STX7: variants seen among roughly 807,000 people sequenced by gnomAD.
The protein encoded by STX7 is syntaxin 7.
Under a neutral mutation model 39.6 loss-of-function variants are expected in STX7, and 34 were observed. That is an observed-to-expected ratio of 0.86 (90% confidence interval 0.65 to 1.14). The LOEUF (loss-of-function observed/expected upper bound fraction) is 1.14. STX7 is among the 50% of genes most tolerant of loss of function. STX7 has a pLI of 0.00. For synonymous variants in STX7, 119 were observed against 99.1 expected, an observed-to-expected ratio of 1.20 and a Z score of -1.19; for missense variants, 284 against 310.4, an observed-to-expected ratio of 0.92 and a Z score of 0.64.
At chr6:132,511,947 A>C (rs1775855584) in intron 1 of STX7, among the ~76,000 whole-genome samples, 1 of 152,214 alleles carries the variant, frequency 6.6e-6, no homozygotes, top group Non-Finnish European at 1.5e-5. Flanking sequence ...TAATCAGTTA[A>C]TATGGTATCA....
chr6:132,466,885 C>A (rs538245977), intron 8 of STX7, among the ~76,000 whole-genome samples: 6 of 152,140 alleles, frequency 3.9e-5, no homozygotes, highest in Non-Finnish European at 7.4e-5. Flanking sequence ...TTAGCATCAC[C>A]CTTAAATTAA....
At chr6:132,487,245 G>C (rs1775158664) in intron 2 of STX7, among the ~76,000 whole-genome samples, 1 of 152,116 alleles carries the variant, frequency 6.6e-6, no homozygotes, top group Non-Finnish European at 1.5e-5. Context: ...TTTCATCTAA[G>C]ATGTCAACTT....
rs911444384 is a variant in STX7 at position 132,446,436 on chromosome 6, T to C, written c.*14322A>G. 5.9e-5 allele frequency: 9 copies of C among 152,212 alleles called. No homozygotes were observed. The highest frequency in any genetic ancestry group is 4.6e-4 in the Admixed American group (7 of 15,280). 9.4% of individuals were successfully genotyped at this position (152,212 alleles called of 1,614,324 possible). ...CTTTTTCTGGAACCACAATTTCTGA[T>C]TGGGAAAACAAAAGTCTTCCTAGAT... On this transcript the variant is annotated 3_prime_UTR_variant, in exon 10 of 10. Coordinates refer to ENST00000367941, the MANE Select transcript of STX7 (RefSeq NM_003569.3).
Position 132,450,915 on chromosome 6 carries a change from T to C in STX7, c.*9843A>G, listed in dbSNP as rs1345365402. On this transcript the variant is annotated 3_prime_UTR_variant, in exon 10 of 10. Coordinates refer to ENST00000367941, the MANE Select transcript of STX7 (RefSeq NM_003569.3). ...AAAATTGGCAAAAGACATAAACATATAGATGGTGAGAAGACCTCAAATATA... is the reference window on the plus strand; with the variant it reads ...AAAATTGGCAAAAGACATAAACATACAGATGGTGAGAAGACCTCAAATATA... The C allele has an allele frequency of 2.0e-5, 3 of 150,462 alleles. No individual in the cohort carries two copies. The highest frequency in any genetic ancestry group is 3.0e-5 in the Non-Finnish European group (2 of 67,540). 9.3% of individuals were successfully genotyped at this position (150,462 alleles called of 1,614,324 possible). A position where few individuals can be genotyped will look rare whatever the true frequency, so the allele number is the denominator to read the frequency against.
At chr6:132,496,665 G>A (rs905861594) in intron 2 of STX7, among the ~76,000 whole-genome samples, 1 of 152,154 alleles carries the variant, frequency 6.6e-6, no homozygotes. Context: ...ATTATTGCCT[G>A]TTAAAGTTTG....
chr6:132,473,344 C>T (rs539679895), intron 3 of STX7, among the ~76,000 whole-genome samples: 2 of 152,190 alleles, frequency 1.3e-5, no homozygotes, highest in Non-Finnish European at 2.9e-5. Flanking sequence ...TACCAAAATC[C>T]GCTGATGCTC....
chr6:132,493,131 A>G (rs1338449132), intron 2 of STX7, among the ~76,000 whole-genome samples: 1 of 152,214 alleles, frequency 6.6e-6, no homozygotes, highest in African/African-American at 2.4e-5. Context: ...GGCCATACTC[A>G]ATATCATTAA....
intron 1 of STX7, among the ~76,000 whole-genome samples, chr6:132,511,367 C>T (rs1163405504): frequency 6.6e-6 from 1 of 152,150 alleles, no homozygotes; most frequent in East Asian, 1.9e-4. Flanking sequence ...CCAGCAAGGC[C>T]TCATCACATG....
intron 2 of STX7, among the ~76,000 whole-genome samples, chr6:132,494,351 G>A (rs1315707340): frequency 2.0e-5 from 3 of 151,958 alleles, no homozygotes; most frequent in Non-Finnish European, 4.4e-5. Flanking sequence ...TTTATCTCTG[G>A]GGGCCAAGGT....
In STX7 at chr6:132,454,212, C is replaced by T. The variant is rs1217124949; in HGVS notation, c.*6546G>A. ...TATTATTATGATTCCAGTTATACAGCTTTATTGAAATGAAAAAAAAAAAAA... is the reference window on the plus strand; with the variant it reads ...TATTATTATGATTCCAGTTATACAGTTTTATTGAAATGAAAAAAAAAAAAA... On this transcript the variant is annotated 3_prime_UTR_variant, in exon 10 of 10. Coordinates refer to ENST00000367941, the MANE Select transcript of STX7 (RefSeq NM_003569.3). The T allele has an allele frequency of 7.1e-6, 1 of 141,570 alleles. No individual in the cohort carries two copies. Among genetic ancestry groups the T allele is most frequent in the Non-Finnish European group, 1.5e-5 (1 of 65,498 alleles). 8.8% of individuals were successfully genotyped at this position (141,570 alleles called of 1,614,324 possible).
Position 132,468,396 on chromosome 6 carries a change from G to T in STX7, c.610+7C>A, listed in dbSNP as rs775447540. 3 of 1,606,258 alleles carry T rather than the reference G, an allele frequency of 1.9e-6. No individual in the cohort carries two copies. The highest frequency in any genetic ancestry group is 2.6e-6 in the Non-Finnish European group (3 of 1,175,208). On this transcript the variant is annotated splice_region_variant and intron_variant, in intron 8 of 9. Coordinates refer to ENST00000367941, the MANE Select transcript of STX7 (RefSeq NM_003569.3). ...TCACCTCCAAAATCTAAGTCAGCAG[G>T]TCTTACCTATTACATCTCCTTGTTC...
rs73549927 is a variant in STX7, at chr6:132,451,828, T to A, written c.*8930A>T. 6 of 152,200 alleles carry A rather than the reference T, an allele frequency of 3.9e-5. No homozygotes were observed. The highest frequency in any genetic ancestry group is 1.4e-4 in the African/African-American group (6 of 41,458). The allele number at this position is 152,200 out of a possible 1,614,324, so 9.4% of individuals were successfully genotyped here. ...AAATCTCCAGGCCCAGATGATTTCA[T>A]TGGAAAGTTCTATCAAATGTTTTAA... is the stretch of plus-strand genomic sequence containing the variant. On this transcript the variant is annotated 3_prime_UTR_variant, in exon 10 of 10. Coordinates refer to ENST00000367941, the MANE Select transcript of STX7 (RefSeq NM_003569.3).
At position 132,457,967 on chromosome 6, in the gene STX7, C is replaced by T. The variant is rs1774286785; in HGVS notation, c.*2791G>A. 6.6e-6 allele frequency: 1 copy of T among 152,144 alleles called. No individual in the cohort carries two copies. The highest frequency in any genetic ancestry group is 6.6e-5 in the Admixed American group (1 of 15,266). 9.4% of individuals were successfully genotyped at this position (152,144 alleles called of 1,614,324 possible). ...TTTATTATGACATTCATTTTTTCTA[C>T]ATGAAGACACAAATAAAAATTATAC... On this transcript the variant is annotated 3_prime_UTR_variant, in exon 10 of 10. Transcript: ENST00000367941.
chr6:132,511,640 T>G (rs986141539), intron 1 of STX7, among the ~76,000 whole-genome samples: 1 of 152,234 alleles, frequency 6.6e-6, no homozygotes, highest in Non-Finnish European at 1.5e-5. Flanking sequence ...TCTACATAAG[T>G]ATCCTCTGCA....
At chr6:132,494,643 G>C (rs1177629736) in intron 2 of STX7, among the ~76,000 whole-genome samples, 3 of 152,172 alleles carry the variant, frequency 2.0e-5, no homozygotes, top group Non-Finnish European at 4.4e-5. Context: ...TAAGCAGAAA[G>C]AAGATCTACC....
chr6:132,482,530 G>A (rs769134590), intron 2 of STX7, among the ~76,000 whole-genome samples: 25 of 152,186 alleles, frequency 1.6e-4, no homozygotes, highest in Non-Finnish European at 2.9e-4. Context: ...GGGTTAGAAT[G>A]TAGATTTCTT....
At chr6:132,499,730 A>C (rs1359310688) in intron 2 of STX7, among the ~76,000 whole-genome samples, 1 of 152,016 alleles carries the variant, frequency 6.6e-6, no homozygotes, top group East Asian at 1.9e-4. Context: ...CCTCACTCTT[A>C]CGTGATTACT....
At chr6:132,476,431 A>T (rs1451173545) in intron 2 of STX7, among the ~76,000 whole-genome samples, 1 of 152,184 alleles carries the variant, frequency 6.6e-6, no homozygotes, top group Non-Finnish European at 1.5e-5. Context: ...GGGCATTTAA[A>T]GACGTCAATG....
Position 132,460,705 on chromosome 6 carries a change from A to T in STX7, c.*53T>A. 7.8e-7 allele frequency: 1 copy of T among 1,287,110 alleles called. No homozygotes were observed. The highest frequency in any genetic ancestry group is 2.3e-5 in the East Asian group (1 of 42,698). The allele number at this position is 1,287,110 out of a possible 1,614,324, so 79.7% of individuals were successfully genotyped here. A position where few individuals can be genotyped will look rare whatever the true frequency, so the allele number is the denominator to read the frequency against. ...TAATTAAAAAAACATGATTACAGGA[A>T]TCTTCCTACATAATTTAGACAATGT... On this transcript the variant is annotated 3_prime_UTR_variant, in exon 10 of 10. Coordinates refer to ENST00000367941, the MANE Select transcript of STX7 (RefSeq NM_003569.3).
Sources: gnomAD v4.1 joint callset for allele counts (sites outside exome capture counted in the v4.1 genomes callset) on GRCh38, gnomAD v4.1.1 for gene constraint, MANE v1.5 for transcripts, NCBI Gene and HGNC (gene_info 2026-07-23, HGNC 2026-07-21) for gene names.